The following SCN8A variants were observed in gnomAD, a reference collection of about 807,000 sequenced individuals.
The protein encoded by SCN8A is sodium voltage-gated channel alpha subunit 8.
A neutral mutation model predicts 184.1 loss-of-function variants in SCN8A; 30 were observed. The ratio of observed to expected loss-of-function variants is 0.16; its 90% CI spans 0.12 to 0.22. SCN8A has a LOEUF of 0.22. Among genes scored for constraint, SCN8A ranks in the 10% least tolerant of loss-of-function variants. The pLI is 1.00. For synonymous variants in SCN8A, 852 were observed against 907.0 expected (o/e 0.94, Z 1.09); for missense variants, 1,057 against 2,498.9 (o/e 0.42, Z 12.30).
At chr12:51,700,471 A>G (rs1272721584) in intron 7 of SCN8A, among the ~76,000 whole-genome samples, 2 of 152,238 alleles carry the variant, frequency 1.3e-5, no homozygotes, top group Non-Finnish European at 2.9e-5. Context: ...AGACTATTGC[A>G]GTCGATCTAG....
intron 5 of SCN8A, among the ~76,000 whole-genome samples, chr12:51,687,735 C>T (rs531348981): frequency 3.8e-4 from 58 of 152,278 alleles, no homozygotes; most frequent in African/African-American, 1.1e-3. Flanking sequence ...ACCAGAATTT[C>T]GAACTATTGC....
chr12:51,684,324 G>A (rs748211516), intron 3 of SCN8A, 32 bp downstream of exon 3: 15 of 1,002,012 alleles, frequency 1.5e-5, no homozygotes, highest in East Asian at 1.4e-4. Flanking sequence ...GAGTGAGTGC[G>A]GCAATTGCAT....
At chr12:51,757,842 G>C (rs989254832) in intron 14 of SCN8A, among the ~76,000 whole-genome samples, 6 of 152,104 alleles carry the variant, frequency 3.9e-5, no homozygotes, top group African/African-American at 1.4e-4. Context: ...TGTGAATTCA[G>C]AGTATTTTAT....
intron 1 of SCN8A, among the ~76,000 whole-genome samples, chr12:51,597,747 T>C (rs1254981733): frequency 6.6e-6 from 1 of 152,140 alleles, no homozygotes; most frequent in Non-Finnish European, 1.5e-5. Flanking sequence ...TGCAAGCTGG[T>C]GTAAATAGCA....
intron 1 of SCN8A, among the ~76,000 whole-genome samples, chr12:51,661,197 A>G (rs1428993373): frequency 6.6e-6 from 1 of 152,202 alleles, no homozygotes; most frequent in Non-Finnish European, 1.5e-5. Flanking sequence ...TTCCTCATCT[A>G]AAATCAAATG....
At chr12:51,698,648 G>A (rs1941634827) in intron 6 of SCN8A, among the ~76,000 whole-genome samples, 1 of 152,198 alleles carries the variant, frequency 6.6e-6, no homozygotes, top group African/African-American at 2.4e-5. Flanking sequence ...GTCTACATTT[G>A]AGCCAGTGTC....
At chr12:51,731,098 C>G (rs1310819207) in intron 12 of SCN8A, among the ~76,000 whole-genome samples, 1 of 152,200 alleles carries the variant, frequency 6.6e-6, no homozygotes, top group East Asian at 1.9e-4. Flanking sequence ...ACCACATTTT[C>G]TTTCTCCATT....
chr12:51,704,563 G>A (rs1041632263), intron 9 of SCN8A, among the ~76,000 whole-genome samples: 16 of 151,458 alleles, frequency 1.1e-4, no homozygotes, highest in African/African-American at 2.4e-4. Flanking sequence ...CCAGCTACTC[G>A]GGAGGCTGAG....
At chr12:51,630,911 T>C (rs773774798) in intron 1 of SCN8A, among the ~76,000 whole-genome samples, 43 of 152,318 alleles carry the variant, frequency 2.8e-4, no homozygotes, top group Middle Eastern at 6.8e-3. Context: ...TACTGCCTTA[T>C]ATGTTCAGAT....
chr12:51,747,051 T>C (rs1942521679), intron 13 of SCN8A, among the ~76,000 whole-genome samples: 1 of 151,696 alleles, frequency 6.6e-6, no homozygotes, highest in Non-Finnish European at 1.5e-5. Context: ...GTTATTTTTT[T>C]AGTCATTTAA....
chr12:51,602,355 A>G (rs1939485990), intron 1 of SCN8A, among the ~76,000 whole-genome samples: 1 of 152,220 alleles, frequency 6.6e-6, no homozygotes, highest in African/African-American at 2.4e-5. Context: ...GTAACACAGA[A>G]GGCCAAACAT....
chr12:51,639,274 CG>C (rs766898277), intron 1 of SCN8A, among the ~76,000 whole-genome samples: 101 of 152,240 alleles, frequency 6.6e-4, no homozygotes, highest in Non-Finnish European at 1.2e-3. Context: ...GGCTGAAAGT[CG>C]TTTCCTGAGA....
chr12:51,721,358 G>A (rs1942057364), intron 11 of SCN8A, among the ~76,000 whole-genome samples, 188 bp from the exon 12 acceptor site: 1 of 152,008 alleles, frequency 6.6e-6, no homozygotes, highest in African/African-American at 2.4e-5. Flanking sequence ...GTCAAGCACA[G>A]GTGAGTAACA....
In SCN8A at chr12:51,721,583, G is replaced by C. The variant is rs770777288; in HGVS notation, c.1673G>C (p.Arg558Pro). The change falls in exon 12 of 27, where the codon CGC becomes CCC. Residue 558 changes from arginine to proline, a missense_variant. This residue lies in a region of SCN8A where 322 missense variants were observed against 390.1 expected (regional missense o/e 0.83). Transcript: ENST00000627620. ...LSIPGSPFLS[R>P]HNSKSSIFSF... is the part of the protein sequence containing the mutation. ...ATCCCAGGCTCGCCCTTCCTCTCCCGCCACAACAGCAAGAGCAGCATCTTC... is the reference window on the plus strand; with the variant it reads ...ATCCCAGGCTCGCCCTTCCTCTCCCCCCACAACAGCAAGAGCAGCATCTTC... 1 of 1,611,922 alleles carries C rather than the reference G, an allele frequency of 6.2e-7. No individual in the cohort carries two copies. Among genetic ancestry groups the C allele is most frequent in the Admixed American group, 1.7e-5 (1 of 59,798 alleles).
At chr12:51,731,316 C>T (rs1942238476) in intron 12 of SCN8A, among the ~76,000 whole-genome samples, 1 of 152,150 alleles carries the variant, frequency 6.6e-6, no homozygotes, top group Admixed American at 6.5e-5. Context: ...CGGCTCACTG[C>T]ACTGTTAACC....
chr12:51,643,008 C>A (rs567237041), intron 1 of SCN8A, among the ~76,000 whole-genome samples: 1 of 152,240 alleles, frequency 6.6e-6, no homozygotes, highest in Non-Finnish European at 1.5e-5. Flanking sequence ...TGGGTGGCCT[C>A]ACAGCTTTTG....
At chr12:51,666,370 C>G (rs892652542) in intron 2 of SCN8A, among the ~76,000 whole-genome samples, 1 of 152,190 alleles carries the variant, frequency 6.6e-6, no homozygotes, top group Non-Finnish European at 1.5e-5. Flanking sequence ...ATACAAATGT[C>G]TTTAACTTAG....
chr12:51,680,989 A>C (rs1941321762), intron 2 of SCN8A, among the ~76,000 whole-genome samples: 1 of 152,076 alleles, frequency 6.6e-6, no homozygotes, highest in Non-Finnish European at 1.5e-5. Flanking sequence ...GGGCAACAAA[A>C]GCAAAACTCT....
At chr12:51,713,120 T>C (rs1476434298) in intron 11 of SCN8A, 1 of 1,242,810 alleles carries the variant, frequency 8.0e-7, no homozygotes, top group Non-Finnish European at 1.2e-6. Flanking sequence ...TTTTTTCCAC[T>C]CTGCCTCTCT....
Sources: gnomAD v4.1 joint callset for allele counts (sites outside exome capture counted in the v4.1 genomes callset) on GRCh38, gnomAD v4.1.1 for gene constraint, gnomAD v4.1.1 regional missense constraint, MANE v1.5 for transcripts, NCBI Gene and HGNC (gene_info 2026-07-23, HGNC 2026-07-21) for gene names.